The following SHCBP1 variants were observed in gnomAD, a reference collection of about 807,000 sequenced individuals.
SHCBP1 encodes the protein SHC binding and spindle associated 1, also known as SHC SH2 domain-binding protein 1.
SHCBP1 carries 60 observed loss-of-function variants against 75.1 expected under a neutral mutation model. The observed-to-expected ratio is 0.80, with a 90% CI of 0.65 to 0.99. The LOEUF (loss-of-function observed/expected upper bound fraction) is 0.99, where lower values mean the gene tolerates loss of function less well. Ranked by LOEUF, SHCBP1 falls within the 50% of genes least tolerant of loss-of-function variation. SHCBP1 has a pLI of 0.00. For missense variants in SHCBP1, 709 were observed against 809.4 expected (o/e 0.88, Z 1.50); for synonymous variants, 290 against 293.2 (o/e 0.99, Z 0.11).
Position 46,595,711 on chromosome 16 carries a change from T to G in SHCBP1, c.1346-41A>C, listed in dbSNP as rs771666579. On this transcript the variant is annotated intron_variant, in intron 9 of 12. Transcript: ENST00000303383. ...ACGCTGACTGTTTTAAGAAGTAATGTGCCTTTTCCAATGTTAGAGATAGCC... is the reference window on the plus strand; with the variant it reads ...ACGCTGACTGTTTTAAGAAGTAATGGGCCTTTTCCAATGTTAGAGATAGCC... The G allele has an allele frequency of 2.0e-6, 3 of 1,485,592 alleles. No homozygotes were observed. In the African/African-American group the frequency reaches 4.2e-5, roughly 21 times the overall value. The allele number at this position is 1,485,592 out of a possible 1,614,324, so 92.0% of individuals were successfully genotyped here. A position where few individuals can be genotyped will look rare whatever the true frequency, so the allele number is the denominator to read the frequency against.
intron 10 of SHCBP1, among the ~76,000 whole-genome samples, 153 bp downstream of exon 10, chr16:46,595,399 G>A (rs1388685292): frequency 2.0e-5 from 3 of 152,156 alleles, no homozygotes; most frequent in Non-Finnish European, 4.4e-5. Context: ...AATGCTACAT[G>A]AGAAGACCCT....
rs763308115 is a variant in SHCBP1, at chr16:46,603,947, CACCTGGAGTGAGAA to C, written c.1092+14_1092+27del. The C allele has an allele frequency of 3.5e-5, 56 of 1,588,940 alleles. No individual in the cohort carries two copies. The African/African-American group carries it at 7.2e-4, about 20-fold the overall frequency. On this transcript the variant is annotated intron_variant, in intron 7 of 12. Transcript: ENST00000303383. Reference sequence around the variant, plus strand: ...GTGGTGAATCAGAAGGAAAAAAAGCCACCTGGAGTGAGAAACTCTCCGTTTACCTGAATTTCTCT... The same window carrying C: ...GTGGTGAATCAGAAGGAAAAAAAGCCACTCTCCGTTTACCTGAATTTCTCT...
chr16:46,617,534 G>A, intron 3 of SHCBP1, 100 bp downstream of exon 3: 1 of 844,158 alleles, frequency 1.2e-6, no homozygotes, highest in Middle Eastern at 3.1e-4. Flanking sequence ...ATTTGAATCA[G>A]CTCATAAACT....
chr16:46,584,226 A>C (rs946034140), intron 10 of SHCBP1, 137 bp from the exon 11 acceptor site: 32 of 531,514 alleles, frequency 6.0e-5, no homozygotes. Context: ...GATAAGTTTT[A>C]CCAGCCATTT....
chr16:46,582,977 T>C (rs948839909), intron 12 of SHCBP1, among the ~76,000 whole-genome samples: 4 of 152,188 alleles, frequency 2.6e-5, no homozygotes, highest in African/African-American at 9.7e-5. Context: ...GTTCACAGAT[T>C]TCCACTGAGT....
rs1385376069 is a variant in SHCBP1 at position 46,579,088 on chromosome 16, T to C, written c.*2641A>G. 6.6e-6 allele frequency among the ~76,000 whole-genome samples: 1 copy of C among 152,162 alleles called. No homozygotes were observed. The highest frequency in any genetic ancestry group is 2.4e-5 in the African/African-American group (1 of 41,432). ...ACAACAAGAAACTGAAGAAGGGAAA[T>C]ACATCTAAAGAAGCTAAAATAAAAT... On this transcript the variant is annotated 3_prime_UTR_variant, in exon 13 of 13. Coordinates refer to ENST00000303383, the MANE Select transcript of SHCBP1 (RefSeq NM_024745.5).
intron 7 of SHCBP1, 48 bp downstream of exon 7, chr16:46,603,927 G>A (rs368367832): frequency 1.9e-6 from 3 of 1,560,844 alleles, no homozygotes; most frequent in South Asian, 1.2e-5. Flanking sequence ...AACCTGTGGT[G>A]AATCAGAAGG....
intron 1 of SHCBP1, among the ~76,000 whole-genome samples, chr16:46,619,909 C>A (rs1965559017): frequency 6.6e-6 from 1 of 152,096 alleles, no homozygotes; most frequent in African/African-American, 2.4e-5. Context: ...GTGGCGGGCG[C>A]CTATAATCCC....
At chr16:46,600,426 A>G (rs1188910890) in intron 8 of SHCBP1, among the ~76,000 whole-genome samples, 2 of 152,112 alleles carry the variant, frequency 1.3e-5, no homozygotes, top group African/African-American at 4.8e-5. Context: ...TGATCATGCC[A>G]TTGCACTCCA....
At chr16:46,605,240 A>G (rs1965307912) in intron 5 of SHCBP1, among the ~76,000 whole-genome samples, 1 of 152,252 alleles carries the variant, frequency 6.6e-6, no homozygotes, top group Admixed American at 6.5e-5. Flanking sequence ...ATGCAATAAA[A>G]TAATTTGTAA....
intron 4 of SHCBP1, among the ~76,000 whole-genome samples, chr16:46,609,937 C>G (rs1364918550): frequency 1.3e-5 from 2 of 151,448 alleles, no homozygotes; most frequent in African/African-American, 4.8e-5. Context: ...TCTCCTCCCC[C>G]ACCATCTTGA....
chr16:46,604,590 C>G, intron 5 of SHCBP1, 129 bp from the exon 6 acceptor site: 2 of 641,358 alleles, frequency 3.1e-6, no homozygotes, highest in Non-Finnish European at 5.6e-6. Context: ...CATGTTAAGT[C>G]TTTCTGAATA....
chr16:46,587,788 T>C (rs1437511843), intron 10 of SHCBP1, among the ~76,000 whole-genome samples: 1 of 152,152 alleles, frequency 6.6e-6, no homozygotes, highest in Non-Finnish European at 1.5e-5. Context: ...ACCCAGGAAT[T>C]GAACTCAGCT....
At chr16:46,593,508 A>C (rs1965084591) in intron 10 of SHCBP1, among the ~76,000 whole-genome samples, 1 of 152,158 alleles carries the variant, frequency 6.6e-6, no homozygotes, top group African/African-American at 2.4e-5. Flanking sequence ...AAGCAGGAGG[A>C]CTGCTTGAGC....
At chr16:46,611,938 T>C (rs896008960) in intron 4 of SHCBP1, among the ~76,000 whole-genome samples, 6 of 152,260 alleles carry the variant, frequency 3.9e-5, no homozygotes, top group Non-Finnish European at 5.9e-5. Flanking sequence ...TATCACTTTC[T>C]TCATGTATTG....
intron 5 of SHCBP1, among the ~76,000 whole-genome samples, 155 bp from the exon 6 acceptor site, chr16:46,604,616 T>C (rs529658863): frequency 1.4e-4 from 21 of 152,306 alleles, no homozygotes; most frequent in African/African-American, 4.8e-4. Flanking sequence ...GTAATAATAA[T>C]AATAATAAGT....
intron 4 of SHCBP1, among the ~76,000 whole-genome samples, chr16:46,615,549 G>A (rs1965481066): frequency 1.3e-5 from 2 of 152,128 alleles, no homozygotes; most frequent in South Asian, 2.1e-4. Flanking sequence ...AGACTGACCT[G>A]GCCAACATAG....
At chr16:46,583,956 A>G (rs377306139) in intron 11 of SHCBP1, 47 bp downstream of exon 11, 16 of 1,490,792 alleles carry the variant, frequency 1.1e-5, no homozygotes, top group Non-Finnish European at 1.4e-5. Context: ...ATTTGTAGGT[A>G]AAACCATTCT....
Position 46,603,718 on chromosome 16 carries a change from T to C in SHCBP1, c.1093-59A>G, listed in dbSNP as rs879835162. On this transcript the variant is annotated intron_variant, in intron 7 of 12. Transcript: ENST00000303383. Reference sequence around the variant, plus strand: ...CACTCCCAAAAAAGTAATTTGAGTATTACTCTAGGTGACTTCATGTCTTAC... The same window carrying C: ...CACTCCCAAAAAAGTAATTTGAGTACTACTCTAGGTGACTTCATGTCTTAC... 1.7e-5 allele frequency: 27 copies of C among 1,599,392 alleles called. No homozygotes were observed. The African/African-American group carries it at 3.4e-4, about 20-fold the overall frequency.
Sources: gnomAD v4.1 joint callset for allele counts (sites outside exome capture counted in the v4.1 genomes callset) on GRCh38, gnomAD v4.1.1 for gene constraint, MANE v1.5 for transcripts, NCBI Gene and HGNC (gene_info 2026-07-23, HGNC 2026-07-21) for gene names.